GIPC2: variants seen among roughly 807,000 people sequenced by gnomAD.
The protein encoded by GIPC2 is PDZ domain-containing protein GIPC2.
Under a neutral mutation model 30.6 loss-of-function variants are expected in GIPC2, and 30 were observed. The ratio of observed to expected loss-of-function variants is 0.98; its 90% CI spans 0.73 to 1.33. GIPC2 has a LOEUF of 1.33. GIPC2 is among the 40% of genes most tolerant of loss of function. The pLI is 0.00. For missense variants in GIPC2, 414 were observed against 390.3 expected (o/e 1.06, Z -0.51); for synonymous variants, 167 against 150.0 (o/e 1.11, Z -0.83).
intron 3 of GIPC2, among the ~76,000 whole-genome samples, chr1:78,103,446 C>T (rs1022806095): frequency 1.3e-5 from 2 of 152,138 alleles, no homozygotes; most frequent in African/African-American, 4.8e-5. Flanking sequence ...GTGCTTAGAA[C>T]AGTGTTATGT....
chr1:78,108,595 A>G (rs147351737), intron 3 of GIPC2, among the ~76,000 whole-genome samples: 146 of 152,230 alleles, frequency 9.6e-4, no homozygotes, highest in Middle Eastern at 3.4e-3. Context: ...TCAGCACCCT[A>G]CTAATTGTAT....
At chr1:78,130,721 A>G (rs1662877872) in intron 5 of GIPC2, among the ~76,000 whole-genome samples, 1 of 152,208 alleles carries the variant, frequency 6.6e-6, no homozygotes, top group Non-Finnish European at 1.5e-5. Context: ...GAGAAGTTTG[A>G]TAACTTGCCC....
At chr1:78,123,755 G>T (rs1329593054) in intron 4 of GIPC2, among the ~76,000 whole-genome samples, 2 of 152,178 alleles carry the variant, frequency 1.3e-5, no homozygotes, top group African/African-American at 4.8e-5. Flanking sequence ...AATATTGGTG[G>T]CCATTTGGGT....
chr1:78,073,009 C>T (rs1661651923), intron 1 of GIPC2, among the ~76,000 whole-genome samples: 1 of 150,206 alleles, frequency 6.7e-6, no homozygotes, highest in Admixed American at 6.7e-5. Flanking sequence ...CGGGGTTTCA[C>T]TGTATTAGCC....
In GIPC2 at chr1:78,050,643, C is replaced by CT. The variant is rs1352423750; in HGVS notation, c.240+4317dup. Among the ~76,000 whole-genome samples the CT allele has an allele frequency of 2.8e-3, 370 of 133,580 alleles. 1 individual carries two copies. The highest frequency in any genetic ancestry group is 4.4e-3 in the Non-Finnish European group (267 of 60,942). The allele number at this position is 133,580 out of a possible 152,430, so 87.6% of individuals were successfully genotyped here. Reference sequence around the variant, plus strand: ...ATACATACCATCTTTTTTTTTTTTTCTTTTTTTTGTGACGGGAGTCTCGCT... The same window carrying CT: ...ATACATACCATCTTTTTTTTTTTTTCTTTTTTTTTGTGACGGGAGTCTCGCT... On this transcript the variant is annotated intron_variant, in intron 1 of 5. Transcript: ENST00000370759.
chr1:78,072,124 A>G (rs959822008), intron 1 of GIPC2, among the ~76,000 whole-genome samples: 2 of 151,702 alleles, frequency 1.3e-5, no homozygotes, highest in African/African-American at 4.9e-5. Context: ...TAATCTATAA[A>G]AAAATGGTAT....
intron 1 of GIPC2, among the ~76,000 whole-genome samples, chr1:78,070,650 A>C (rs1185137259): frequency 6.6e-6 from 1 of 152,098 alleles, no homozygotes; most frequent in Admixed American, 6.6e-5. Flanking sequence ...TTATGTCTCA[A>C]GGATTGCTTT....
Position 78,132,665 on chromosome 1 carries a change from A to ATGTGTGTGTGTGTGTGTG in GIPC2, c.797-2911_797-2894dup, listed in dbSNP as rs61463492. On this transcript the variant is annotated intron_variant, in intron 5 of 5. Coordinates refer to ENST00000370759, the MANE Select transcript of GIPC2 (RefSeq NM_017655.6). ...TTCTTTTTCCCTCTTATAGCCAAGG[A>ATGTGTGTGTGTGTGTGTG]TGTGTGTGTGTGTGTGTGTGTGTGT... Among the ~76,000 whole-genome samples the ATGTGTGTGTGTGTGTGTG allele has an allele frequency of 2.2e-3, 311 of 142,708 alleles. 2 individuals carry two copies. The highest frequency in any genetic ancestry group is 3.0e-3 in the Non-Finnish European group (200 of 65,630). 93.6% of individuals were successfully genotyped at this position (142,708 alleles called of 152,430 possible).
chr1:78,049,595 G>C (rs1289105025), intron 1 of GIPC2, among the ~76,000 whole-genome samples: 1 of 152,170 alleles, frequency 6.6e-6, no homozygotes, highest in Non-Finnish European at 1.5e-5. Context: ...TGAAGAGCTA[G>C]CCACTCTTTA....
At chr1:78,108,296 G>A (rs1245341189) in intron 3 of GIPC2, among the ~76,000 whole-genome samples, 1 of 152,150 alleles carries the variant, frequency 6.6e-6, no homozygotes, top group African/African-American at 2.4e-5. Context: ...TTTTTCCCCA[G>A]AGATGCACAT....
At chr1:78,045,955 C>T (rs1661058574), upstream of GIPC2, 1 of 1,371,100 alleles carries the variant, frequency 7.3e-7, no homozygotes, top group Non-Finnish European at 9.4e-7. Context: ...GGGCCCTGAC[C>T]CGACGCAGCC....
intron 5 of GIPC2, among the ~76,000 whole-genome samples, chr1:78,128,461 A>G (rs111323761): frequency 0.023 from 3,550 of 152,312 alleles, 42 homozygotes; most frequent in Middle Eastern, 0.051. Context: ...ACACATAAAC[A>G]TGAATACTTT....
intron 2 of GIPC2, among the ~76,000 whole-genome samples, chr1:78,090,108 A>G (rs751970599): frequency 3.3e-5 from 5 of 152,222 alleles, no homozygotes; most frequent in Non-Finnish European, 5.9e-5. Flanking sequence ...GAGGGTACAC[A>G]TCACCCTGGA....
chr1:78,094,568 C>T (rs1265912602), intron 2 of GIPC2, among the ~76,000 whole-genome samples: 1 of 152,076 alleles, frequency 6.6e-6, no homozygotes, highest in Non-Finnish European at 1.5e-5. Context: ...AGAGTGGCAC[C>T]TTACCCATTC....
chr1:78,051,472 A>C (rs560383447), intron 1 of GIPC2, among the ~76,000 whole-genome samples: 23 of 152,336 alleles, frequency 1.5e-4, no homozygotes, highest in African/African-American at 5.3e-4. Context: ...AAGAAAGCAG[A>C]GTACTTGAGA....
At chr1:78,055,859 C>T (rs919531130) in intron 1 of GIPC2, among the ~76,000 whole-genome samples, 4 of 152,148 alleles carry the variant, frequency 2.6e-5, no homozygotes, top group African/African-American at 9.7e-5. Context: ...TATTCTGAGA[C>T]ATCTTGATTT....
At chr1:78,070,588 G>A (rs1277946347) in intron 1 of GIPC2, among the ~76,000 whole-genome samples, 1 of 152,074 alleles carries the variant, frequency 6.6e-6, no homozygotes, top group Non-Finnish European at 1.5e-5. Flanking sequence ...TAGTATTTGT[G>A]TAATGTCCAC....
At chr1:78,098,179 A>G (rs116719871) in intron 3 of GIPC2, among the ~76,000 whole-genome samples, 1,815 of 152,134 alleles carry the variant, frequency 0.012, 42 homozygotes, top group African/African-American at 0.042. Context: ...CGTATTGTCA[A>G]TTGTTGTGGG....
At position 78,135,747 on chromosome 1, in the gene GIPC2, G is replaced by A. The variant is rs201334084; in HGVS notation, c.*4G>A. 1.1e-4 allele frequency: 179 copies of A among 1,607,470 alleles called. No individual in the cohort carries two copies. The African/African-American group carries it at 2.2e-3, about 20-fold the overall frequency. On this transcript the variant is annotated 3_prime_UTR_variant, in exon 6 of 6. Transcript: ENST00000370759. ...TGCCAAACGAAGAGGATTATGATGT[G>A]TACACTCCATCTCTGAAGAAACAAC... is the stretch of plus-strand genomic sequence containing the variant.
Sources: allele counts gnomAD v4.1 joint callset (sites outside exome capture counted in the v4.1 genomes callset), GRCh38; gene constraint gnomAD v4.1.1; transcripts MANE v1.5; gene names NCBI Gene and HGNC (gene_info 2026-07-23, HGNC 2026-07-21).